The following MARCHF5 variants were observed in gnomAD, a reference collection of about 807,000 sequenced individuals.
The protein encoded by MARCHF5 is membrane associated ring-CH-type finger 5, also known as E3 ubiquitin-protein ligase MARCHF5.
In MARCHF5, 5 loss-of-function variants were observed where a neutral mutation model predicts 36.5. The ratio of observed to expected loss-of-function variants is 0.14; its 90% CI spans 0.07 to 0.29. The LOEUF (loss-of-function observed/expected upper bound fraction) is 0.29, where lower values mean the gene tolerates loss of function less well. MARCHF5 is among the 10% of genes least tolerant of loss of function. The probability of loss-of-function intolerance (pLI) is 1.00; values close to 1 mark genes in which losing one functional copy is unlikely to be tolerated. For synonymous variants in MARCHF5, 103 were observed against 109.9 expected, an observed-to-expected ratio of 0.94 and a Z score of 0.39; for missense variants, 179 against 336.3, an observed-to-expected ratio of 0.53 and a Z score of 3.66.
intron 2 of MARCHF5, among the ~76,000 whole-genome samples, chr10:92,331,083 G>T (rs1843430112): frequency 6.6e-6 from 1 of 151,654 alleles, no homozygotes; most frequent in Non-Finnish European, 1.5e-5. Flanking sequence ...CATGGAAAAT[G>T]TGAAAAATAT....
At chr10:92,346,244 C>G (rs1300505201) in intron 3 of MARCHF5, among the ~76,000 whole-genome samples, 1 of 152,084 alleles carries the variant, frequency 6.6e-6, no homozygotes, top group Non-Finnish European at 1.5e-5. Context: ...GTTATACTAC[C>G]TTATTTCTTC....
chr10:92,319,444 C>A (rs995339104), intron 2 of MARCHF5, among the ~76,000 whole-genome samples: 25 of 149,122 alleles, frequency 1.7e-4, no homozygotes, highest in South Asian at 4.3e-4. Flanking sequence ...TACAGGCGCA[C>A]GCCACCATGC....
chr10:92,331,110 A>G (rs1452222792), intron 2 of MARCHF5, among the ~76,000 whole-genome samples: 2 of 118,178 alleles, frequency 1.7e-5, no homozygotes, highest in Non-Finnish European at 4.2e-5. Flanking sequence ...ATGTTTAAAG[A>G]AAAAAAGACT....
chr10:92,312,446 A>G (rs1843155547), intron 2 of MARCHF5, among the ~76,000 whole-genome samples: 1 of 152,246 alleles, frequency 6.6e-6, no homozygotes, highest in Non-Finnish European at 1.5e-5. Context: ...ATGGGTCTTC[A>G]GTGCATACCA....
chr10:92,345,685 TTTTTTTTTTTTC>T (rs1336276482), intron 3 of MARCHF5, among the ~76,000 whole-genome samples: 1 of 136,364 alleles, frequency 7.3e-6, no homozygotes, highest in East Asian at 2.2e-4. Context: ...TGTTTTTCTC[TTTTTTTTTTTTC>T]TTTTTTTTTT....
rs532009661 is a variant in MARCHF5, at chr10:92,299,338, A to G, written c.35+7809A>G. Among the ~76,000 whole-genome samples the G allele has an allele frequency of 1.6e-3, 215 of 131,194 alleles. 2 individuals are homozygous for G. Among genetic ancestry groups the G allele is most frequent in the African/African-American group, 5.0e-3 (203 of 40,760 alleles). 86.1% of individuals were successfully genotyped at this position (131,194 alleles called of 152,430 possible). The stretch of plus-strand genomic sequence containing the variant: ...TAAAAGGATAAAACGTAAACTTTCA[A>G]CGGGGTAACGTGCTTTGATCTGTTA... On this transcript the variant is annotated intron_variant, in intron 1 of 5. Transcript: ENST00000358935.
intron 2 of MARCHF5, among the ~76,000 whole-genome samples, chr10:92,335,842 G>C (rs892372785): frequency 2.0e-5 from 3 of 152,102 alleles, no homozygotes; most frequent in African/African-American, 4.8e-5. Context: ...TAATAGTGAT[G>C]GGTTATATTT....
At chr10:92,295,390 TATTTATTTATTTATTTATTTTTTA>T (rs1842936711) in intron 1 of MARCHF5, among the ~76,000 whole-genome samples, 4 of 143,462 alleles carry the variant, frequency 2.8e-5, no homozygotes, top group South Asian at 2.2e-4. Context: ...CAACTTCTTT[TATTTATTTATTTATTTATTTTTTA>T]TTTTTTTTTT....
At chr10:92,309,272 A>G (rs535344653) in intron 1 of MARCHF5, among the ~76,000 whole-genome samples, 1 of 152,356 alleles carries the variant, frequency 6.6e-6, no homozygotes, top group Non-Finnish European at 1.5e-5. Context: ...TAGAATTTAT[A>G]AGGAATATAA....
intron 1 of MARCHF5, among the ~76,000 whole-genome samples, chr10:92,301,134 C>T (rs1843006930): frequency 6.6e-6 from 1 of 152,016 alleles, no homozygotes. Context: ...CAGTCCTCCC[C>T]ACTCAGCCTC....
At chr10:92,297,143 T>C (rs1842955912) in intron 1 of MARCHF5, among the ~76,000 whole-genome samples, 1 of 151,746 alleles carries the variant, frequency 6.6e-6, no homozygotes, top group Admixed American at 6.6e-5. Flanking sequence ...TGCTTTTATA[T>C]AGAAAAGTAT....
Position 92,353,317 on chromosome 10 carries a change from T to TA in MARCHF5, c.*2113dup, listed in dbSNP as rs1843740900. The TA allele has an allele frequency of 6.6e-6, 1 of 152,196 alleles. No homozygotes were observed. Among genetic ancestry groups the TA allele is most frequent in the Admixed American group, 6.5e-5 (1 of 15,278 alleles). The allele number at this position is 152,196 out of a possible 1,614,324, so 9.4% of individuals were successfully genotyped here. On this transcript the variant is annotated 3_prime_UTR_variant, in exon 6 of 6. Transcript: ENST00000358935. ...AGCAACAAAAGAGCATAGGCAGACT[T>TA]AAAGTTGGATAGACCTGGGTTCAAA...
At chr10:92,337,854 T>A (rs548720056) in intron 2 of MARCHF5, among the ~76,000 whole-genome samples, 1 of 151,726 alleles carries the variant, frequency 6.6e-6, no homozygotes, top group South Asian at 2.1e-4. Flanking sequence ...CGATAAATGT[T>A]CTCTTATGGC....
chr10:92,336,094 G>GGTGC (rs1843499254), intron 2 of MARCHF5, among the ~76,000 whole-genome samples: 1 of 152,162 alleles, frequency 6.6e-6, no homozygotes, highest in African/African-American at 2.4e-5. Context: ...GGAATGCAAT[G>GGTGC]GTGCCATCTC....
At chr10:92,340,582 G>A in intron 2 of MARCHF5, 91 bp from the exon 3 acceptor site, 1 of 1,206,632 alleles carries the variant, frequency 8.3e-7, no homozygotes. Flanking sequence ...TTGTTGGGGG[G>A]AAGGTATTTT....
At chr10:92,295,363 C>T (rs1330724569) in intron 1 of MARCHF5, among the ~76,000 whole-genome samples, 1 of 111,526 alleles carries the variant, frequency 9.0e-6, no homozygotes, top group Admixed American at 1.1e-4. Flanking sequence ...CACTCTGTCA[C>T]TTGGGCCAAC....
At chr10:92,306,817 G>A (rs1413785021) in intron 1 of MARCHF5, among the ~76,000 whole-genome samples, 1 of 151,990 alleles carries the variant, frequency 6.6e-6, no homozygotes, top group African/African-American at 2.4e-5. Context: ...AGTTTAAGAC[G>A]AGCCTGGCCA....
At chr10:92,346,398 A>G (rs1201862812) in intron 3 of MARCHF5, among the ~76,000 whole-genome samples, 1 of 151,746 alleles carries the variant, frequency 6.6e-6, no homozygotes, top group African/African-American at 2.4e-5. Flanking sequence ...GCCTCATCCC[A>G]CTTCTAACTT....
intron 1 of MARCHF5, among the ~76,000 whole-genome samples, chr10:92,307,031 G>C (rs563053782): frequency 1.3e-5 from 2 of 152,168 alleles, no homozygotes; most frequent in South Asian, 2.1e-4. Flanking sequence ...GGCAGGGGAG[G>C]GGGCAGGAAG....
Sources: allele counts gnomAD v4.1 joint callset (sites outside exome capture counted in the v4.1 genomes callset), GRCh38; gene constraint gnomAD v4.1.1; transcripts MANE v1.5; gene names NCBI Gene and HGNC (gene_info 2026-07-23, HGNC 2026-07-21).